The following CDK13 variants were observed in gnomAD, a reference collection of about 807,000 sequenced individuals.
The protein encoded by CDK13 is cyclin-dependent kinase 13.
A neutral mutation model predicts 137.6 loss-of-function variants in CDK13; 40 were observed. The observed-to-expected ratio is 0.29, with a 90% CI of 0.23 to 0.38. CDK13 has a LOEUF of 0.38. CDK13 is among the 10% of genes least tolerant of loss of function. The pLI is 1.00. For synonymous variants in CDK13, 869 were observed against 760.1 expected (o/e 1.14, Z -2.36); for missense variants, 1,704 against 1,951.8 (o/e 0.87, Z 2.39).
chr7:39,994,240 A>G (rs549513982), intron 2 of CDK13, among the ~76,000 whole-genome samples: 1 of 152,158 alleles, frequency 6.6e-6, no homozygotes, highest in Admixed American at 6.5e-5. Flanking sequence ...TAAAACTTCT[A>G]GGTTTATAAA....
At chr7:40,010,269 T>C (rs1244042388) in intron 5 of CDK13, among the ~76,000 whole-genome samples, 2 of 152,144 alleles carry the variant, frequency 1.3e-5, no homozygotes, top group Non-Finnish European at 2.9e-5. Context: ...GTGTGCAACC[T>C]AGATCCCTCA....
chr7:40,045,747 C>T (rs1231698510), intron 5 of CDK13, 89 bp from the exon 6 acceptor site: 3 of 816,688 alleles, frequency 3.7e-6, no homozygotes, highest in Non-Finnish European at 5.9e-6. Flanking sequence ...TTAATTCTTC[C>T]TCTACCAGCC....
In CDK13 at chr7:40,098,275, A is replaced by T. The variant is rs1787084726; in HGVS notation, c.*3295A>T. 1 of 152,050 alleles carries T rather than the reference A, an allele frequency of 6.6e-6. No homozygotes were observed. Among genetic ancestry groups the T allele is most frequent in the Non-Finnish European group, 1.5e-5 (1 of 67,970 alleles). The allele number at this position is 152,050 out of a possible 1,614,324, so 9.4% of individuals were successfully genotyped here. A position where few individuals can be genotyped will look rare whatever the true frequency, so the allele number is the denominator to read the frequency against. On this transcript the variant is annotated 3_prime_UTR_variant, in exon 14 of 14. Coordinates refer to ENST00000181839, the MANE Select transcript of CDK13 (RefSeq NM_003718.5). ...GAGAAAAATGAAAAGTGAATACATA[A>T]ATGCTTAAAATCTGGTACTTCTGAG...
At position 39,950,268 on chromosome 7, in the gene CDK13, C is replaced by G. The variant is rs1025129097; in HGVS notation, c.-374C>G. The G allele has an allele frequency of 1.8e-5, 19 of 1,047,274 alleles. No homozygotes were observed. In the African/African-American group the frequency reaches 2.7e-4, roughly 15 times the overall value. 64.9% of individuals were successfully genotyped at this position (1,047,274 alleles called of 1,614,324 possible). On this transcript the variant is annotated 5_prime_UTR_variant, in exon 1 of 14. Transcript: ENST00000181839. The stretch of plus-strand genomic sequence containing the variant: ...CGACGAAGGTGGTACTTCCGCGTTG[C>G]GCTGCCCGAGCCGAGAGCGCGGCCA...
At chr7:40,042,047 T>A (rs1785617354) in intron 5 of CDK13, among the ~76,000 whole-genome samples, 1 of 152,162 alleles carries the variant, frequency 6.6e-6, no homozygotes, top group South Asian at 2.1e-4. Context: ...TCATTTGATT[T>A]CTTATTTTCT....
chr7:39,979,246 C>T lies in CDK13; in HGVS notation c.1212-8353C>T, dbSNP rs150030435. On this transcript the variant is annotated intron_variant, in intron 1 of 13. Transcript: ENST00000181839. ...TTTTTTTTTTTTGAGACAGAGTTTT[C>T]GCTCTTGTTGCCCAGGCTGGAGTGC... Among the ~76,000 whole-genome samples, 397 of 95,768 alleles carry T rather than the reference C, an allele frequency of 4.1e-3. 3 individuals carry two copies. Among genetic ancestry groups the T allele is most frequent in the African/African-American group, 0.016 (374 of 23,270 alleles). The allele number at this position is 95,768 out of a possible 152,430, so 62.8% of individuals were successfully genotyped here. A position where few individuals can be genotyped will look rare whatever the true frequency, so the allele number is the denominator to read the frequency against.
In CDK13 at chr7:40,021,153, A is replaced by ACACACAC. The variant is rs781461656; in HGVS notation, c.2353+19122_2353+19123insCACACAC. On this transcript the variant is annotated intron_variant, in intron 5 of 13. Transcript: ENST00000181839. ...CACACACACACACACACACACACAT[A>ACACACAC]AAGTTTTAAGTCTGAAATTCCCAAA... Among the ~76,000 whole-genome samples, 27 of 151,236 alleles carry ACACACAC rather than the reference A, an allele frequency of 1.8e-4. 1 individual carries two copies. The highest frequency in any genetic ancestry group is 7.0e-3 in the Middle Eastern group (2 of 284).
At chr7:40,044,878 C>T (rs931880868) in intron 5 of CDK13, among the ~76,000 whole-genome samples, 1 of 152,058 alleles carries the variant, frequency 6.6e-6, no homozygotes, top group Non-Finnish European at 1.5e-5. Context: ...CCTCATGATC[C>T]GCCCACCTTG....
At chr7:40,000,946 CATACTT>C (rs1048252127) in intron 4 of CDK13, among the ~76,000 whole-genome samples, 1 of 152,116 alleles carries the variant, frequency 6.6e-6, no homozygotes, top group African/African-American at 2.4e-5. Flanking sequence ...AAAGCTGACT[CATACTT>C]AAATTATGTG....
intron 10 of CDK13, 103 bp downstream of exon 10, chr7:40,078,224 A>G (rs934730288): frequency 9.2e-6 from 5 of 543,558 alleles, no homozygotes; most frequent in African/African-American, 3.9e-5. Context: ...AGGTAAACCT[A>G]TAATTCTTCT....
intron 1 of CDK13, among the ~76,000 whole-genome samples, chr7:39,982,286 A>G (rs1784244374): frequency 6.6e-6 from 1 of 150,766 alleles, no homozygotes; most frequent in South Asian, 2.1e-4. Flanking sequence ...TGTCCTTGTG[A>G]TAGTTTACTG....
intron 5 of CDK13, among the ~76,000 whole-genome samples, chr7:40,030,422 A>ATTTTTT (rs34922492): frequency 1.5e-5 from 1 of 65,988 alleles, no homozygotes. Context: ...GCAACCACTG[A>ATTTTTT]TTTTTTTTTT....
At chr7:40,021,103 GTA>G (rs146480658) in intron 5 of CDK13, among the ~76,000 whole-genome samples, 4,214 of 42,478 alleles carry the variant, frequency 0.099, 137 homozygotes, top group Middle Eastern at 0.17. Flanking sequence ...GCAAACAAAC[GTA>G]TATATATATA....
chr7:40,005,966 C>G (rs186804970), intron 5 of CDK13, among the ~76,000 whole-genome samples: 2 of 152,188 alleles, frequency 1.3e-5, no homozygotes, highest in Non-Finnish European at 2.9e-5. Context: ...CTCAATTGAT[C>G]CTCCTGCCTT....
chr7:40,013,958 A>G (rs540561542), intron 5 of CDK13, among the ~76,000 whole-genome samples: 2 of 151,516 alleles, frequency 1.3e-5, no homozygotes, highest in Admixed American at 6.6e-5. Flanking sequence ...AAAAACTTCT[A>G]CTTTTTTCAA....
At chr7:40,010,908 G>A (rs1304070521) in intron 5 of CDK13, among the ~76,000 whole-genome samples, 1 of 152,082 alleles carries the variant, frequency 6.6e-6, no homozygotes, top group South Asian at 2.1e-4. Flanking sequence ...AATTTAAAAA[G>A]GCCTTAAAGA....
At chr7:40,033,188 T>G (rs757794335) in intron 5 of CDK13, among the ~76,000 whole-genome samples, 5 of 152,166 alleles carry the variant, frequency 3.3e-5, no homozygotes, top group African/African-American at 4.8e-5. Context: ...ACTCTTGACC[T>G]CAGGTGATCT....
At chr7:40,066,714 C>G (rs986870923) in intron 9 of CDK13, 2 of 152,102 alleles carry the variant, frequency 1.3e-5, no homozygotes, top group East Asian at 3.8e-4. Context: ...GAAATCAAAA[C>G]TAAAAATCCT....
chr7:40,076,048 C>T (rs1416449037), intron 9 of CDK13, among the ~76,000 whole-genome samples: 1 of 151,384 alleles, frequency 6.6e-6, no homozygotes, highest in Non-Finnish European at 1.5e-5. Flanking sequence ...TTTACTTATC[C>T]TTGGAATTAT....
Sources: gnomAD v4.1 joint callset for allele counts (sites outside exome capture counted in the v4.1 genomes callset) on GRCh38, gnomAD v4.1.1 for gene constraint, MANE v1.5 for transcripts, NCBI Gene and HGNC (gene_info 2026-07-23, HGNC 2026-07-21) for gene names.